Variants in DLD observed in about 807,000 individuals in gnomAD.
DLD encodes the protein dihydrolipoamide dehydrogenase.
In DLD, 36 loss-of-function variants were observed where a neutral mutation model predicts 62.2. The observed-to-expected ratio is 0.58, with a 90% CI of 0.44 to 0.76. The LOEUF is 0.76. Among genes scored for constraint, DLD ranks in the 30% least tolerant of loss-of-function variants. The pLI is 0.00. For missense variants in DLD, 541 were observed against 608.6 expected (o/e 0.89, Z 1.17); for synonymous variants, 204 against 199.6 (o/e 1.02, Z -0.19).
intron 1 of DLD, 87 bp downstream of exon 1, chr7:107,891,376 G>T (rs2031567388): frequency 7.5e-7 from 1 of 1,341,194 alleles, no homozygotes; most frequent in Non-Finnish European, 9.9e-7. Flanking sequence ...AACCGTGTTG[G>T]GCTGGCGGAG....
chr7:107,907,147 G>A (rs6977846), intron 8 of DLD, among the ~76,000 whole-genome samples: 2,057 of 152,098 alleles, frequency 0.014, 39 homozygotes, highest in African/African-American at 0.047. Context: ...TCTTACAGAT[G>A]TCCTTGAGTT....
intron 2 of DLD, among the ~76,000 whole-genome samples, chr7:107,895,534 T>G (rs1368007980): frequency 6.6e-6 from 1 of 152,250 alleles, no homozygotes; most frequent in African/African-American, 2.4e-5. Context: ...ATTCATTCTT[T>G]TATTATTTCG....
chr7:107,902,739 G>A (rs2031907879), intron 4 of DLD, among the ~76,000 whole-genome samples: 1 of 152,096 alleles, frequency 6.6e-6, no homozygotes, highest in Non-Finnish European at 1.5e-5. Flanking sequence ...CTTTTTGTAT[G>A]TAAACATGAC....
At position 107,920,417 on chromosome 7, in the gene DLD, T is replaced by C. The variant is rs181993258; in HGVS notation, c.*1158T>C. 1 of 152,386 alleles carries C rather than the reference T, an allele frequency of 6.6e-6. No individual in the cohort carries two copies. The highest frequency in any genetic ancestry group is 1.9e-4 in the East Asian group (1 of 5,202). 9.4% of individuals were successfully genotyped at this position (152,386 alleles called of 1,614,324 possible). ...TGTCTCATGCTCATGAGTGACATAA[T>C]GACCCTGGATTCTGTTACATACTTC... On this transcript the variant is annotated 3_prime_UTR_variant, in exon 14 of 14. Coordinates refer to ENST00000205402, the MANE Select transcript of DLD (RefSeq NM_000108.5).
rs541161848 is a variant in DLD, at chr7:107,906,126, G to C, written c.583-141G>C. 8 of 611,960 alleles carry C rather than the reference G, an allele frequency of 1.3e-5. No homozygotes were observed. The South Asian group carries it at 1.5e-4, about 12-fold the overall frequency. 37.9% of individuals were successfully genotyped at this position (611,960 alleles called of 1,614,324 possible). A position where few individuals can be genotyped will look rare whatever the true frequency, so the allele number is the denominator to read the frequency against. On this transcript the variant is annotated intron_variant, in intron 7 of 13. Transcript: ENST00000205402. ...AAACCATGTGTACATGTTCAGTACA[G>C]ATGCAACCATCAATTTTTTTCCTGA...
intron 8 of DLD, among the ~76,000 whole-genome samples, chr7:107,909,400 A>G (rs2032085451): frequency 6.6e-6 from 1 of 152,240 alleles, no homozygotes; most frequent in Non-Finnish European, 1.5e-5. Flanking sequence ...CGTCATTAGT[A>G]CAAATTTTTG....
intron 1 of DLD, among the ~76,000 whole-genome samples, chr7:107,892,704 CCCG>C (rs2031617684): frequency 6.6e-6 from 1 of 152,150 alleles, no homozygotes; most frequent in Non-Finnish European, 1.5e-5. Flanking sequence ...CACCACTACA[CCCG>C]GCTAATTTTC....
chr7:107,902,437 C>T, intron 4 of DLD, 44 bp downstream of exon 4: 10 of 1,535,478 alleles, frequency 6.5e-6, no homozygotes, highest in Non-Finnish European at 9.0e-6. Flanking sequence ...TTTTGGCTAG[C>T]AACCAACTAG....
chr7:107,918,921 G>A, intron 12 of DLD, 89 bp from the exon 13 acceptor site: 2 of 1,070,434 alleles, frequency 1.9e-6, no homozygotes, highest in Non-Finnish European at 2.9e-6. Context: ...GCGTTTTTAA[G>A]ATCTAAAAGC....
chr7:107,902,038 A>C (rs1479339272), intron 3 of DLD, among the ~76,000 whole-genome samples: 2 of 152,124 alleles, frequency 1.3e-5, no homozygotes, highest in African/African-American at 4.8e-5. Context: ...AGTACTTTTC[A>C]TTTTGGCATC....
At chr7:107,915,256 A>G (rs2032238649) in intron 8 of DLD, among the ~76,000 whole-genome samples, 1 of 152,180 alleles carries the variant, frequency 6.6e-6, no homozygotes, top group African/African-American at 2.4e-5. Flanking sequence ...TGCTTTGTTT[A>G]CTAATGTATG....
At chr7:107,914,048 ATCCT>A (rs2032206159) in intron 8 of DLD, among the ~76,000 whole-genome samples, 1 of 152,174 alleles carries the variant, frequency 6.6e-6, no homozygotes, top group South Asian at 2.1e-4. Flanking sequence ...ATGTTGAATC[ATCCT>A]TGCATCTCTG....
chr7:107,894,061 G>C (rs780042150), intron 2 of DLD, among the ~76,000 whole-genome samples: 1 of 152,076 alleles, frequency 6.6e-6, no homozygotes, highest in African/African-American at 2.4e-5. Context: ...GGAAGCTATG[G>C]GTCATGGAAT....
At position 107,915,519 on chromosome 7, in the gene DLD, A is replaced by G; in HGVS notation, c.698A>G (p.Gln233Arg). ...VIGVELGSVW[Q>R]RLGADVTAVE... ...ATTTATTTGCAGGGTTCAGTTTGGC[A>G]AAGACTTGGTGCAGATGTGACAGCA... The change falls in exon 9 of 14, where the codon CAA (glutamine) becomes CGA (arginine). Residue 233 changes from glutamine to arginine, a missense_variant. Transcript: ENST00000205402. 1 of 1,613,872 alleles carries G rather than the reference A, an allele frequency of 6.2e-7. No homozygotes were observed. Among genetic ancestry groups the G allele is most frequent in the Non-Finnish European group, 8.5e-7 (1 of 1,179,880 alleles).
chr7:107,905,697 G>T, intron 7 of DLD, 193 bp downstream of exon 7: 1 of 611,376 alleles, frequency 1.6e-6, no homozygotes, highest in Non-Finnish European at 2.9e-6. Context: ...TTTATATTAA[G>T]ATATGTTTGA....
chr7:107,915,727 C>G (rs1018870513), intron 9 of DLD, 31 bp downstream of exon 9: 1 of 1,589,458 alleles, frequency 6.3e-7, no homozygotes, highest in African/African-American at 1.3e-5. Context: ...TTTGATGTAT[C>G]ATCCCTGTCT....
intron 2 of DLD, among the ~76,000 whole-genome samples, chr7:107,897,214 G>GTACCT: frequency 6.6e-6 from 1 of 152,132 alleles, no homozygotes; most frequent in African/African-American, 2.4e-5. Context: ...GTACTGATGA[G>GTACCT]TCATAAATAT....
intron 4 of DLD, 29 bp from the exon 5 acceptor site, chr7:107,903,449 G>A (rs1562914289): frequency 1.5e-6 from 2 of 1,303,300 alleles, no homozygotes; most frequent in Non-Finnish European, 2.2e-6. Context: ...ATGAATATTT[G>A]ATAATTTGAT....
chr7:107,895,877 C>A (rs1050033527), intron 2 of DLD, among the ~76,000 whole-genome samples: 3 of 152,006 alleles, frequency 2.0e-5, no homozygotes, highest in Non-Finnish European at 4.4e-5. Context: ...TTTATATATA[C>A]ACACACACAG....
Sources: allele counts gnomAD v4.1 joint callset (sites outside exome capture counted in the v4.1 genomes callset), GRCh38; gene constraint gnomAD v4.1.1; transcripts MANE v1.5; gene names NCBI Gene and HGNC (gene_info 2026-07-23, HGNC 2026-07-21).